ECM2: variants seen among roughly 807,000 people sequenced by gnomAD.
The protein encoded by ECM2 is extracellular matrix protein 2, female organ and adipocyte specific.
In ECM2, 57 loss-of-function variants were observed where a neutral mutation model predicts 67.5. That is an observed-to-expected ratio of 0.84 (90% confidence interval 0.68 to 1.05). The LOEUF (loss-of-function observed/expected upper bound fraction) is 1.05. Ranked by LOEUF, ECM2 falls within the 50% of genes least tolerant of loss-of-function variation. ECM2 has a pLI of 0.00. For synonymous variants in ECM2, 258 were observed against 294.5 expected (o/e 0.88, Z 1.27); for missense variants, 741 against 822.8 (o/e 0.90, Z 1.22).
intron 1 of ECM2, among the ~76,000 whole-genome samples, chr9:92,525,218 TGAGGCAG>T (rs1848317098): frequency 6.6e-6 from 1 of 151,780 alleles, no homozygotes; most frequent in Non-Finnish European, 1.5e-5. Context: ...CTCAGGAGGC[TGAGGCAG>T]GAGGCTCACT....
In ECM2 at chr9:92,500,974, C is replaced by T; in HGVS notation, c.1684G>A (p.Val562Ile). ...CGTTCAATCTGGTTCCCAAGGAGTA[C>T]TAGGTGCAGCAAGGACTTGGGTAGA... ...SYLPKSLLHLVLLGNQIERIP... is the reference protein window; with the variant it reads ...SYLPKSLLHLILLGNQIERIP... The change falls in exon 9 of 10, where the codon GTA becomes ATA. Residue 562 changes from valine (V) to isoleucine (I), a missense_variant. By Grantham distance (29) the Val-to-Ile change is conservative. Coordinates refer to ENST00000344604, the MANE Select transcript of ECM2 (RefSeq NM_001393.4). 8 of 1,614,142 alleles carry T rather than the reference C, an allele frequency of 5.0e-6. No homozygotes were observed. The highest frequency in any genetic ancestry group is 6.8e-6 in the Non-Finnish European group (8 of 1,180,032).
At chr9:92,494,217 A>G, downstream of ECM2, 2 of 1,517,848 alleles carry the variant, frequency 1.3e-6, no homozygotes, top group South Asian at 1.2e-5. Context: ...TCATCCCAAG[A>G]TGCTAGTTCT....
At chr9:92,511,617 C>A (rs1162340175) in intron 5 of ECM2, among the ~76,000 whole-genome samples, 3 of 151,688 alleles carry the variant, frequency 2.0e-5, no homozygotes, top group African/African-American at 4.8e-5. Flanking sequence ...ATTGCACACA[C>A]AAAAAAAGGA....
At chr9:92,508,454 G>A (rs1847140215) in intron 6 of ECM2, among the ~76,000 whole-genome samples, 1 of 152,232 alleles carries the variant, frequency 6.6e-6, no homozygotes, top group Non-Finnish European at 1.5e-5. Context: ...CCAGGGGTGT[G>A]TGAAAGCACG....
chr9:92,547,243 G>T, the ECM2 span, among the ~76,000 whole-genome samples: 1 of 152,152 alleles, frequency 6.6e-6, no homozygotes, highest in African/African-American at 2.4e-5. Context: ...GAATATAAGG[G>T]AACATCTTTA....
At chr9:92,545,711 C>T in the ECM2 span, among the ~76,000 whole-genome samples, 1 of 152,016 alleles carries the variant, frequency 6.6e-6, no homozygotes, top group Non-Finnish European at 1.5e-5. Flanking sequence ...TGGGCTCATC[C>T]AGCTGGGCTC....
At chr9:92,532,680 G>A (rs530996534) in intron 1 of ECM2, among the ~76,000 whole-genome samples, 1 of 151,996 alleles carries the variant, frequency 6.6e-6, no homozygotes, top group Non-Finnish European at 1.5e-5. Flanking sequence ...CAGGTTTTCA[G>A]TATGTTCTTT....
chr9:92,545,638 G>A, the ECM2 span, among the ~76,000 whole-genome samples: 2 of 152,226 alleles, frequency 1.3e-5, no homozygotes, highest in African/African-American at 4.8e-5. Flanking sequence ...GCGGGCACAG[G>A]GCGCGGGACT....
At chr9:92,552,089 GATA>G in the ECM2 span, among the ~76,000 whole-genome samples, 4 of 136,514 alleles carry the variant, frequency 2.9e-5, no homozygotes, top group East Asian at 6.3e-4. Flanking sequence ...TCATATATGT[GATA>G]TGATAGATCT....
At chr9:92,526,639 C>T (rs748918762) in intron 1 of ECM2, among the ~76,000 whole-genome samples, 6 of 148,884 alleles carry the variant, frequency 4.0e-5, no homozygotes, top group African/African-American at 1.5e-4. Context: ...TTTTCTGAAA[C>T]GATTAAAAAA....
intron 8 of ECM2, 22 bp from the exon 9 acceptor site, chr9:92,501,075 A>G: frequency 4.4e-6 from 7 of 1,607,542 alleles, no homozygotes; most frequent in Non-Finnish European, 6.0e-6. Context: ...AAAAAAGTAA[A>G]CAGGGTAGGG....
chr9:92,545,960 C>T, the ECM2 span, among the ~76,000 whole-genome samples: 2 of 151,746 alleles, frequency 1.3e-5, no homozygotes, highest in African/African-American at 2.4e-5. Flanking sequence ...CTCTGTCTAG[C>T]TCAGGGTTTG....
Position 92,517,800 on chromosome 9 carries a change from G to A in ECM2, c.368C>T (p.Thr123Ile), listed in dbSNP as rs747104624. The change falls in exon 3 of 10, where the codon ACC (threonine) becomes ATC (isoleucine). Residue 123 changes from threonine to isoleucine, a missense_variant. Thr to Ile is a moderately conservative substitution (Grantham distance 89). Transcript: ENST00000344604. The part of the protein sequence containing the change: ...KAVWSPEPCT[T>I]CLCSDGRVLC... ...AACTCTTCCATCTGAGCAGAGGCAG[G>A]TAGTGCAGGGCTCAGGCGACCACAC... 2 of 1,614,200 alleles carry A rather than the reference G, an allele frequency of 1.2e-6. No individual in the cohort carries two copies. Among genetic ancestry groups the A allele is most frequent in the Non-Finnish European group, 1.7e-6 (2 of 1,180,042 alleles).
chr9:92,546,453 C>T, the ECM2 span, among the ~76,000 whole-genome samples: 1 of 152,216 alleles, frequency 6.6e-6, no homozygotes, highest in East Asian at 1.9e-4. Flanking sequence ...AGATCTGCAG[C>T]TTCGCTCCTG....
chr9:92,523,240 T>C (rs1848188447), intron 1 of ECM2, among the ~76,000 whole-genome samples: 1 of 152,224 alleles, frequency 6.6e-6, no homozygotes, highest in Non-Finnish European at 1.5e-5. Context: ...TCACCATGCC[T>C]GTTCAGAACT....
chr9:92,520,019 C>T (rs776955087), intron 2 of ECM2, among the ~76,000 whole-genome samples: 5 of 88,020 alleles, frequency 5.7e-5, no homozygotes, highest in Non-Finnish European at 1.1e-4. Context: ...CAGTGGCTCT[C>T]GCTTGTAATT....
intron 8 of ECM2, among the ~76,000 whole-genome samples, 199 bp downstream of exon 8, chr9:92,502,314 T>A (rs1846727747): frequency 6.6e-6 from 1 of 152,198 alleles, no homozygotes; most frequent in South Asian, 2.1e-4. Context: ...ACACCAGTCA[T>A]GCAGCGCACA....
intron 1 of ECM2, among the ~76,000 whole-genome samples, chr9:92,526,559 GA>G (rs1319138537): frequency 6.7e-6 from 1 of 149,664 alleles, no homozygotes; most frequent in African/African-American, 2.5e-5. Flanking sequence ...AAAATTAGTG[GA>G]AAAAAAGAAA....
chr9:92,514,300 A>C (rs1161147380), intron 4 of ECM2, among the ~76,000 whole-genome samples: 3 of 129,298 alleles, frequency 2.3e-5, no homozygotes, highest in Non-Finnish European at 4.8e-5. Context: ...TTTGAGATGG[A>C]GTCTCGCTCA....
Sources: allele counts gnomAD v4.1 joint callset (sites outside exome capture counted in the v4.1 genomes callset), GRCh38; gene constraint gnomAD v4.1.1; transcripts MANE v1.5; gene names NCBI Gene and HGNC (gene_info 2026-07-23, HGNC 2026-07-21).